Variants in CFAP20DC observed in about 807,000 individuals in gnomAD.
The protein encoded by CFAP20DC is CFAP20 domain containing, also known as protein CFAP20DC.
Under a neutral mutation model 101.7 loss-of-function variants are expected in CFAP20DC, and 84 were observed. The ratio of observed to expected loss-of-function variants is 0.83; its 90% CI spans 0.69 to 0.99. The LOEUF (loss-of-function observed/expected upper bound fraction) is 0.99. Ranked by LOEUF, CFAP20DC falls within the 50% of genes least tolerant of loss-of-function variation. CFAP20DC has a pLI of 0.00. For synonymous variants in CFAP20DC, 359 were observed against 351.2 expected (o/e 1.02, Z -0.25); for missense variants, 1,007 against 970.3 (o/e 1.04, Z -0.50).
In CFAP20DC at chr3:58,722,747, C is replaced by T. The variant is rs914668675; in HGVS notation, c.198-5119G>A. Among the ~76,000 whole-genome samples the T allele has an allele frequency of 2.0e-5, 3 of 152,166 alleles. No individual in the cohort carries two copies. The highest frequency in any genetic ancestry group is 6.5e-5 in the Admixed American group (1 of 15,272). ...GGATCAGTTGCTTTTGAAAGATCCC[C>T]CAGCTGATACAGACTGCTGGTATCC... On this transcript the variant is annotated intron_variant, in intron 3 of 3. Transcript: ENST00000486145. This position sits in a 1 kb window ranked among gnomAD's most constrained non-coding sequence, Gnocchi z 4.5.
chr3:58,949,925 A>G (rs1186452736), intron 4 of CFAP20DC, among the ~76,000 whole-genome samples: 2 of 152,208 alleles, frequency 1.3e-5, no homozygotes, highest in Admixed American at 1.3e-4. Context: ...GGCCAGGGCA[A>G]TTAGGCAGGA....
intron 4 of CFAP20DC, among the ~76,000 whole-genome samples, chr3:59,016,615 G>A (rs931719702): frequency 5.3e-5 from 8 of 152,130 alleles, no homozygotes; most frequent in Non-Finnish European, 1.0e-4. Flanking sequence ...TATACACATT[G>A]AAATACATGT....
At chr3:58,919,313 G>A (rs745877334) in intron 5 of CFAP20DC, among the ~76,000 whole-genome samples, 3 of 151,904 alleles carry the variant, frequency 2.0e-5, no homozygotes, top group Non-Finnish European at 4.4e-5. Context: ...CAATTTGCTC[G>A]TTCTTCTGTT....
chr3:58,747,727 T>C (rs1480058847), intron 16 of CFAP20DC, among the ~76,000 whole-genome samples: 1 of 152,156 alleles, frequency 6.6e-6, no homozygotes, highest in Non-Finnish European at 1.5e-5. Flanking sequence ...TTTAGATAAG[T>C]TTCTGCTGAG....
chr3:58,891,030 G>A (rs1238012745), intron 6 of CFAP20DC, among the ~76,000 whole-genome samples: 6 of 148,102 alleles, frequency 4.1e-5, no homozygotes, highest in Admixed American at 6.7e-5. Context: ...GGTGGCGGCC[G>A]GGCAGAGGCT....
At chr3:58,878,034 A>C (rs911678204) in intron 7 of CFAP20DC, among the ~76,000 whole-genome samples, 10 of 152,226 alleles carry the variant, frequency 6.6e-5, no homozygotes, top group Admixed American at 5.2e-4. Context: ...AGGCACATGC[A>C]GAATGTAGGG....
intron 4 of CFAP20DC, among the ~76,000 whole-genome samples, chr3:58,966,087 C>A (rs1314662658): frequency 2.0e-5 from 3 of 152,206 alleles, no homozygotes; most frequent in African/African-American, 7.2e-5. Flanking sequence ...GGCCTTGGGG[C>A]TGGCAAGGCC....
At chr3:58,886,228 T>A (rs1236992458) in intron 6 of CFAP20DC, among the ~76,000 whole-genome samples, 1 of 152,144 alleles carries the variant, frequency 6.6e-6, no homozygotes, top group Admixed American at 6.5e-5. Flanking sequence ...GTTTATAATT[T>A]CTGAAAAATA....
At chr3:58,717,160 T>C (rs1420342156), downstream of CFAP20DC, among the ~76,000 whole-genome samples, 1 of 151,924 alleles carries the variant, frequency 6.6e-6, no homozygotes, top group Non-Finnish European at 1.5e-5. The surrounding 1 kb of genome is among the most constrained non-coding windows in gnomAD (Gnocchi z 4.1). Flanking sequence ...GTGTGACATC[T>C]TGTGGAAGGA....
intron 5 of CFAP20DC, among the ~76,000 whole-genome samples, chr3:58,931,218 G>T (rs1285645598): frequency 6.6e-6 from 1 of 152,156 alleles, no homozygotes. Flanking sequence ...GAGGCTGGGG[G>T]AGGGGTGCGC....
chr3:58,757,110 G>A (rs577128632), intron 15 of CFAP20DC, among the ~76,000 whole-genome samples: 28 of 152,184 alleles, frequency 1.8e-4, no homozygotes, highest in African/African-American at 5.5e-4. Flanking sequence ...AAAGATAAAT[G>A]TATACTTGTC....
At chr3:58,851,694 G>T (rs147702152) in intron 12 of CFAP20DC, among the ~76,000 whole-genome samples, 491 of 152,070 alleles carry the variant, frequency 3.2e-3, no homozygotes, top group Middle Eastern at 0.031. Flanking sequence ...AGAAACTGAG[G>T]ATCCTGGGAA....
intron 6 of CFAP20DC, among the ~76,000 whole-genome samples, chr3:58,905,288 T>G (rs2083486445): frequency 6.6e-6 from 1 of 152,208 alleles, no homozygotes; most frequent in African/African-American, 2.4e-5. Flanking sequence ...ATATTATCAT[T>G]GCTTGTTCTA....
intron 3 of CFAP20DC, among the ~76,000 whole-genome samples, chr3:58,734,802 T>C (rs1309512717): frequency 1.3e-5 from 2 of 152,186 alleles, no homozygotes; most frequent in African/African-American, 4.8e-5. Flanking sequence ...CCCAAAGCAC[T>C]TACCATTCAA....
intron 3 of CFAP20DC, among the ~76,000 whole-genome samples, chr3:58,736,047 T>A (rs976143893): frequency 6.6e-6 from 1 of 152,118 alleles, no homozygotes; most frequent in Non-Finnish European, 1.5e-5. Context: ...AAGATTAAAA[T>A]CTCTTGAAAC....
chr3:58,823,151 A>G (rs2075806036), intron 14 of CFAP20DC, among the ~76,000 whole-genome samples: 1 of 152,144 alleles, frequency 6.6e-6, no homozygotes, highest in South Asian at 2.1e-4. Context: ...GTATCATGGA[A>G]AACTTACATG....
At position 58,842,614 on chromosome 3, in the gene CFAP20DC, A is replaced by C. The variant is rs529231375; in HGVS notation, c.1971+6418T>G. 1.3e-3 allele frequency among the ~76,000 whole-genome samples: 198 copies of C among 152,340 alleles called. 2 individuals carry two copies. The South Asian group carries it at 0.02, about 15-fold the overall frequency. ...GGGCGCCCGCCATTGCCCAGGCTTGATTAGGGAAACAAAGCAGCCAGGAAG... is the reference window on the plus strand; with the variant it reads ...GGGCGCCCGCCATTGCCCAGGCTTGCTTAGGGAAACAAAGCAGCCAGGAAG... On this transcript the variant is annotated intron_variant, in intron 13 of 16. Coordinates refer to ENST00000482387, the MANE Select transcript of CFAP20DC (RefSeq NM_001394063.1).
chr3:58,736,890 TG>T (rs922481772), intron 3 of CFAP20DC, among the ~76,000 whole-genome samples: 1 of 152,220 alleles, frequency 6.6e-6, no homozygotes, highest in Admixed American at 6.5e-5. Context: ...CCATGTTTAT[TG>T]GTCATTTAAT....
intron 6 of CFAP20DC, among the ~76,000 whole-genome samples, chr3:58,902,333 T>C (rs2107147631): frequency 6.6e-6 from 1 of 152,356 alleles, no homozygotes; most frequent in South Asian, 2.1e-4. Flanking sequence ...TAGGGTTACA[T>C]GGTAATTCTA....
Sources: allele counts gnomAD v4.1 joint callset (sites outside exome capture counted in the v4.1 genomes callset), GRCh38; gene constraint gnomAD v4.1.1; non-coding constraint Gnocchi (gnomAD v3.1); transcripts MANE v1.5; gene names NCBI Gene and HGNC (gene_info 2026-07-23, HGNC 2026-07-21).